Variants in AKAP6 observed in about 807,000 individuals in gnomAD.
AKAP6 encodes the protein A-kinase anchoring protein 6, also known as A-kinase anchor protein 6.
AKAP6 carries 58 observed loss-of-function variants against 188.5 expected under a neutral mutation model. The observed-to-expected ratio is 0.31, with a 90% CI of 0.25 to 0.38. AKAP6 has a LOEUF of 0.38. Ranked by LOEUF, AKAP6 falls within the 10% of genes least tolerant of loss-of-function variation. AKAP6 has a pLI of 1.00. For missense variants in AKAP6, 2,710 were observed against 2,740.0 expected (o/e 0.99, Z 0.24); for synonymous variants, 989 against 998.6 (o/e 0.99, Z 0.18).
intron 13 of AKAP6, among the ~76,000 whole-genome samples, chr14:32,829,124 T>TG (rs2034758236): frequency 6.6e-6 from 1 of 152,020 alleles, no homozygotes; most frequent in African/African-American, 2.4e-5. Flanking sequence ...TCCTCACATT[T>TG]GACCAGTTGC....
intron 2 of AKAP6, among the ~76,000 whole-genome samples, chr14:32,520,605 G>A (rs1040263328): frequency 2.0e-5 from 3 of 152,120 alleles, no homozygotes; most frequent in African/African-American, 7.2e-5. Flanking sequence ...AGAAGAAATG[G>A]ATAAATTCCT....
At chr14:32,580,093 G>C (rs958189466) in intron 5 of AKAP6, among the ~76,000 whole-genome samples, 3 of 152,020 alleles carry the variant, frequency 2.0e-5, no homozygotes, top group Non-Finnish European at 4.4e-5. Context: ...TTCATACTTT[G>C]ATACTTAATT....
At chr14:32,363,665 T>C (rs1887735728) in intron 1 of AKAP6, among the ~76,000 whole-genome samples, 1 of 152,246 alleles carries the variant, frequency 6.6e-6, no homozygotes, top group Non-Finnish European at 1.5e-5. Flanking sequence ...TTTTTCTGCC[T>C]GCTTTATTCT....
At chr14:32,358,258 T>A (rs1241112115) in intron 1 of AKAP6, among the ~76,000 whole-genome samples, 1 of 152,214 alleles carries the variant, frequency 6.6e-6, no homozygotes, top group African/African-American at 2.4e-5. Flanking sequence ...ATGTTAGGAC[T>A]GTGGTAAAGC....
chr14:32,582,364 G>A (rs61983022), intron 5 of AKAP6, among the ~76,000 whole-genome samples: 33,186 of 150,966 alleles, frequency 0.22, 3,917 homozygotes, highest in East Asian at 0.56. Context: ...CGAGAGATCC[G>A]CTGTTAGTCT....
intron 8 of AKAP6, among the ~76,000 whole-genome samples, chr14:32,693,951 G>T (rs1890285015): frequency 6.6e-6 from 1 of 152,094 alleles, no homozygotes; most frequent in South Asian, 2.1e-4. Context: ...AAACCAGATG[G>T]TTTATTTTTT....
intron 1 of AKAP6, among the ~76,000 whole-genome samples, chr14:32,392,021 T>TA (rs904474656): frequency 2.9e-4 from 44 of 151,338 alleles, no homozygotes; most frequent in South Asian, 4.2e-4. Context: ...TTCACTTACT[T>TA]AAAAAAAAAT....
chr14:32,510,359 T>C (rs1368054684), intron 2 of AKAP6, among the ~76,000 whole-genome samples: 1 of 114,398 alleles, frequency 8.7e-6, no homozygotes, highest in Non-Finnish European at 1.8e-5. Context: ...TGGATACATA[T>C]ATATATGTGT....
intron 1 of AKAP6, among the ~76,000 whole-genome samples, chr14:32,419,415 G>A (rs17408253): frequency 0.05 from 7,663 of 152,246 alleles, 240 homozygotes; most frequent in East Asian, 0.082. Flanking sequence ...CATCACCCAT[G>A]AAATGTCTTC....
At chr14:32,629,712 A>G (rs989746091) in intron 7 of AKAP6, among the ~76,000 whole-genome samples, 2 of 150,770 alleles carry the variant, frequency 1.3e-5, no homozygotes, top group African/African-American at 4.9e-5. Context: ...AGCCAGAAGA[A>G]CTAGAACCTG....
chr14:32,592,795 G>A (rs976220905), intron 5 of AKAP6, among the ~76,000 whole-genome samples: 1 of 152,074 alleles, frequency 6.6e-6, no homozygotes, highest in African/African-American at 2.4e-5. Context: ...CATGAAGTAG[G>A]TATTAACATT....
In AKAP6 at chr14:32,390,444, A is replaced by G. The variant is rs143660574; in HGVS notation, c.-34-43016A>G. 2.0e-3 allele frequency among the ~76,000 whole-genome samples: 310 copies of G among 152,148 alleles called. 1 individual carries two copies. The highest frequency in any genetic ancestry group is 7.2e-3 in the African/African-American group (298 of 41,522). On this transcript the variant is annotated intron_variant, in intron 1 of 13. Coordinates refer to ENST00000280979, the MANE Select transcript of AKAP6 (RefSeq NM_004274.5). ...GAACTTTGTTTAGTCATATTACTAG[A>G]GTTGGTTTTCTGGTTCATTCTCATT...
chr14:32,602,771 A>C (rs1231766742), intron 7 of AKAP6, among the ~76,000 whole-genome samples: 2 of 152,148 alleles, frequency 1.3e-5, no homozygotes, highest in Non-Finnish European at 2.9e-5. Flanking sequence ...CGATGGAGAA[A>C]AGGAGGGCAA....
At chr14:32,758,270 A>C (rs184960167) in intron 11 of AKAP6, among the ~76,000 whole-genome samples, 1 of 152,240 alleles carries the variant, frequency 6.6e-6, no homozygotes, top group Non-Finnish European at 1.5e-5. Context: ...AGGATCACAC[A>C]GTCAGAGCCA....
At chr14:32,652,910 G>A (rs1428208170) in intron 7 of AKAP6, among the ~76,000 whole-genome samples, 1 of 152,046 alleles carries the variant, frequency 6.6e-6, no homozygotes, top group African/African-American at 2.4e-5. Context: ...AAAATTAGCT[G>A]GCCATGGTGG....
intron 13 of AKAP6, among the ~76,000 whole-genome samples, chr14:32,828,009 T>A (rs1296299567): frequency 6.6e-6 from 1 of 152,190 alleles, no homozygotes; most frequent in Non-Finnish European, 1.5e-5. Context: ...GTTGAGGAGC[T>A]GTATTTACTT....
intron 7 of AKAP6, among the ~76,000 whole-genome samples, chr14:32,665,706 G>A (rs779443152): frequency 4.6e-5 from 7 of 152,176 alleles, no homozygotes; most frequent in Non-Finnish European, 1.0e-4. Flanking sequence ...GCAGGTGAAA[G>A]CAGAGCAGAA....
intron 4 of AKAP6, among the ~76,000 whole-genome samples, chr14:32,547,785 A>G (rs1400428480): frequency 6.6e-6 from 1 of 151,810 alleles, no homozygotes; most frequent in Non-Finnish European, 1.5e-5. Context: ...TTGAGGCTGC[A>G]GTGAGTTGTG....
intron 5 of AKAP6, among the ~76,000 whole-genome samples, chr14:32,587,614 A>G (rs1885308724): frequency 6.6e-6 from 1 of 152,154 alleles, no homozygotes; most frequent in South Asian, 2.1e-4. Flanking sequence ...AGAAGAGGGA[A>G]TAGATTCAAG....
Sources: gnomAD v4.1 joint callset for allele counts (sites outside exome capture counted in the v4.1 genomes callset) on GRCh38, gnomAD v4.1.1 for gene constraint, MANE v1.5 for transcripts, NCBI Gene and HGNC (gene_info 2026-07-23, HGNC 2026-07-21) for gene names.